PLEKHA7: variants seen among roughly 807,000 people sequenced by gnomAD.
PLEKHA7 encodes the protein pleckstrin homology domain containing A7.
Under a neutral mutation model 170.0 loss-of-function variants are expected in PLEKHA7, and 104 were observed. The ratio of observed to expected loss-of-function variants is 0.61; its 90% CI spans 0.52 to 0.72. The LOEUF (loss-of-function observed/expected upper bound fraction) is 0.72. Among genes scored for constraint, PLEKHA7 ranks in the 30% least tolerant of loss-of-function variants. PLEKHA7 has a pLI of 0.00. For synonymous variants in PLEKHA7, 648 were observed against 660.8 expected (o/e 0.98, Z 0.30); for missense variants, 1,615 against 1,671.7 (o/e 0.97, Z 0.59).
intron 3 of PLEKHA7, among the ~76,000 whole-genome samples, chr11:16,958,179 T>C (rs375550879): frequency 1.3e-5 from 2 of 151,900 alleles, no homozygotes; most frequent in South Asian, 4.2e-4. Context: ...TAGCTGAGCA[T>C]GGTGGCACAC....
chr11:16,791,809 G>T lies in PLEKHA7; in HGVS notation c.2746-610C>A. The T allele has an allele frequency of 2.5e-6, 1 of 396,430 alleles. No homozygotes were observed. The highest frequency in any genetic ancestry group is 5.1e-6 in the Non-Finnish European group (1 of 196,414). 24.6% of individuals were successfully genotyped at this position (396,430 alleles called of 1,614,324 possible). On this transcript the variant is annotated intron_variant, in intron 19 of 26. Transcript: ENST00000531066. This position sits in a 1 kb window ranked among gnomAD's most constrained non-coding sequence, Gnocchi z 4.5. ...TGAGTGACTCACTGCCTACCATGCA[G>T]TTCATTCCCTAGAATGTGATGAATG...
intron 3 of PLEKHA7, among the ~76,000 whole-genome samples, chr11:16,998,316 C>A (rs550223744): frequency 7.2e-5 from 11 of 152,170 alleles, no homozygotes; most frequent in African/African-American, 1.2e-4. Flanking sequence ...AACAAACAAA[C>A]AAACTCTCAA....
intron 13 of PLEKHA7, among the ~76,000 whole-genome samples, chr11:16,810,839 G>T (rs1297091490): frequency 6.6e-6 from 1 of 152,138 alleles, no homozygotes; most frequent in Admixed American, 6.5e-5. Flanking sequence ...AGGGCTTTAG[G>T]GTGAGAGCCG....
chr11:16,917,674 A>G (rs542722089), intron 3 of PLEKHA7, among the ~76,000 whole-genome samples: 2 of 152,334 alleles, frequency 1.3e-5, no homozygotes, highest in East Asian at 3.9e-4. Context: ...TTCCCATCCC[A>G]AAGTCCTTCC....
chr11:16,882,728 C>A (rs1855798970), intron 3 of PLEKHA7, among the ~76,000 whole-genome samples: 1 of 152,214 alleles, frequency 6.6e-6, no homozygotes, highest in African/African-American at 2.4e-5. Flanking sequence ...GCTTAGCCCT[C>A]TGAGTGCTTT....
Position 16,791,126 on chromosome 11 carries a change from G to A in PLEKHA7, c.2819C>T (p.Pro940Leu). Residue 940 changes from proline to leucine, a missense_variant, in exon 20 of 27, where the codon CCT becomes CTT. Physicochemically the swap from Pro to Leu is moderately conservative, Grantham distance 98. Transcript: ENST00000531066. This position sits in a 1 kb window ranked among gnomAD's most constrained non-coding sequence, Gnocchi z 4.5. Reference protein sequence around the residue: ...SPEDQPPAVPPLPREATIIRH... With the variant: ...SPEDQPPAVPLLPREATIIRH... ...GATGATGGTGGCCTCTCTTGGCAGA[G>A]GCGGCACAGCCGGGGGCTGGTCCTC... The A allele has an allele frequency of 6.2e-7, 1 of 1,614,120 alleles. No homozygotes were observed. The highest frequency in any genetic ancestry group is 1.1e-5 in the South Asian group (1 of 91,074).
intron 13 of PLEKHA7, among the ~76,000 whole-genome samples, chr11:16,806,831 C>G (rs145036407): frequency 4.1e-4 from 62 of 152,314 alleles, no homozygotes; most frequent in African/African-American, 1.4e-3. Context: ...TCAACTCTGT[C>G]TGGGTGAGCC....
At chr11:16,883,226 G>C (rs1396383353) in intron 3 of PLEKHA7, among the ~76,000 whole-genome samples, 3 of 152,122 alleles carry the variant, frequency 2.0e-5, no homozygotes. Context: ...AGCAGAAGTT[G>C]GCAAGCTTCG....
chr11:16,826,346 A>T lies in PLEKHA7; in HGVS notation c.1117T>A (p.Leu373Met). 6.2e-7 allele frequency: 1 copy of T among 1,614,230 alleles called. No homozygotes were observed. The highest frequency in any genetic ancestry group is 8.5e-7 in the Non-Finnish European group (1 of 1,180,038). ...SPYSPAEEDA[L>M]FMDLPTGPRG... ...GGGCCAGTGGGTAAATCCATAAACA[A>T]GGCATCCTCCTCGGCTGGCGAGTAC... The change falls in exon 10 of 27, where the codon TTG becomes ATG. Residue 373 changes from leucine (L) to methionine (M), a missense_variant. Physicochemically the swap from Leu to Met is conservative, Grantham distance 15. Coordinates refer to ENST00000531066, the MANE Select transcript of PLEKHA7 (RefSeq NM_001329630.2).
At chr11:16,784,416 G>A (rs1849265264) in intron 24 of PLEKHA7, among the ~76,000 whole-genome samples, 1 of 152,208 alleles carries the variant, frequency 6.6e-6, no homozygotes, top group Admixed American at 6.5e-5. Flanking sequence ...ATAAATGGAT[G>A]ATTGACAGGT....
chr11:16,803,170 C>T (rs1848714126), intron 14 of PLEKHA7, 57 bp downstream of exon 14: 4 of 1,578,854 alleles, frequency 2.5e-6, no homozygotes, highest in Non-Finnish European at 3.5e-6. Flanking sequence ...AAGCTGTTCA[C>T]CCGGGGTCTG....
intron 3 of PLEKHA7, among the ~76,000 whole-genome samples, chr11:16,978,479 A>C (rs962690471): frequency 6.6e-6 from 1 of 152,248 alleles, no homozygotes; most frequent in Non-Finnish European, 1.5e-5. Context: ...AATCACAGAG[A>C]ATAATGGCAA....
intron 8 of PLEKHA7, among the ~76,000 whole-genome samples, chr11:16,844,050 C>T (rs963823474): frequency 6.6e-6 from 1 of 152,200 alleles, no homozygotes; most frequent in African/African-American, 2.4e-5. Context: ...CACAAGATCT[C>T]TGACACACTC....
At position 16,794,953 on chromosome 11, in the gene PLEKHA7, A is replaced by G. The variant is rs1451211700; in HGVS notation, c.2475T>C (p.Asn825=). The part of the protein sequence containing the change: ...IEDVTAGLSA[N]KENFRILVES... ...CCACTAGAATTCTGAAGTTCTCTTT[A>G]TTTGCACTCAGGCCTGCAGTGACAT... Residue 825 remains asparagine, a synonymous_variant, in exon 18 of 27, where the codon AAT becomes AAC. Transcript: ENST00000531066. The G allele has an allele frequency of 1.9e-6, 3 of 1,613,002 alleles. No individual in the cohort carries two copies. Among genetic ancestry groups the G allele is most frequent in the South Asian group, 1.1e-5 (1 of 91,040 alleles).
At chr11:16,988,598 C>G (rs978921259) in intron 3 of PLEKHA7, among the ~76,000 whole-genome samples, 1 of 152,176 alleles carries the variant, frequency 6.6e-6, no homozygotes, top group Non-Finnish European at 1.5e-5. Flanking sequence ...AGGCACCCAC[C>G]ACCATGCCCA....
Position 16,784,380 on chromosome 11 carries a change from A to G in PLEKHA7, c.3517-547T>C, listed in dbSNP as rs999526402. Reference sequence around the variant, plus strand: ...TTAGTACTTAGTAGCCCTCCAACTAATTCTCCCTGAATGGATGGATAATGG... The same window carrying G: ...TTAGTACTTAGTAGCCCTCCAACTAGTTCTCCCTGAATGGATGGATAATGG... On this transcript the variant is annotated intron_variant, in intron 24 of 26. Transcript: ENST00000531066. Among the ~76,000 whole-genome samples, 4 of 152,120 alleles carry G rather than the reference A, an allele frequency of 2.6e-5. No homozygotes were observed. The South Asian group carries it at 8.3e-4, about 31-fold the overall frequency.
chr11:16,892,688 C>A lies in PLEKHA7; in HGVS notation c.222-21506G>T, dbSNP rs993394356. Among the ~76,000 whole-genome samples, 42 of 137,386 alleles carry A rather than the reference C, an allele frequency of 3.1e-4. 1 individual carries two copies. The highest frequency in any genetic ancestry group is 4.6e-5 in the Non-Finnish European group (3 of 65,630). The allele number at this position is 137,386 out of a possible 152,430, so 90.1% of individuals were successfully genotyped here. Reference sequence around the variant, plus strand: ...ATTTCACCATATTGCCCAGGCTAGTCTCAAACTCCTGAGCTCACGCAATCC... The same window carrying A: ...ATTTCACCATATTGCCCAGGCTAGTATCAAACTCCTGAGCTCACGCAATCC... On this transcript the variant is annotated intron_variant, in intron 3 of 26. Coordinates refer to ENST00000531066, the MANE Select transcript of PLEKHA7 (RefSeq NM_001329630.2).
At chr11:16,855,725 C>G in intron 5 of PLEKHA7, 78 bp downstream of exon 5, 1 of 1,078,992 alleles carries the variant, frequency 9.3e-7, no homozygotes, top group Middle Eastern at 2.1e-4. Context: ...TAGTGAAGAT[C>G]AAATGGACTT....
chr11:17,011,120 G>C (rs1006980152), intron 3 of PLEKHA7, among the ~76,000 whole-genome samples: 1 of 152,312 alleles, frequency 6.6e-6, no homozygotes, highest in Non-Finnish European at 1.5e-5. Flanking sequence ...AGGTGTGGAA[G>C]GCTGTGCTCC....
Sources: gnomAD v4.1 joint callset for allele counts (sites outside exome capture counted in the v4.1 genomes callset) on GRCh38, gnomAD v4.1.1 for gene constraint, Gnocchi (gnomAD v3.1) non-coding constraint, MANE v1.5 for transcripts, NCBI Gene and HGNC (gene_info 2026-07-23, HGNC 2026-07-21) for gene names.